The following DYM variants were observed in gnomAD, a reference collection of about 807,000 sequenced individuals.
DYM encodes dymeclin.
Under a neutral mutation model 93.1 loss-of-function variants are expected in DYM, and 78 were observed. That is an observed-to-expected ratio of 0.84 (90% confidence interval 0.70 to 1.01). DYM has a LOEUF of 1.01. Ranked by LOEUF, DYM falls within the 50% of genes least tolerant of loss-of-function variation. The pLI, the probability that DYM is intolerant of heterozygous loss-of-function variation, is 0.00. For synonymous variants in DYM, 321 were observed against 319.7 expected (o/e 1.00, Z -0.04); for missense variants, 789 against 845.0 (o/e 0.93, Z 0.82).
At chr18:49,239,108 T>C (rs1295771177) in intron 13 of DYM, among the ~76,000 whole-genome samples, 2 of 152,198 alleles carry the variant, frequency 1.3e-5, no homozygotes, top group Non-Finnish European at 2.9e-5. Flanking sequence ...ACAGGAACTC[T>C]GTGCACTTGC....
chr18:49,156,383 G>C (rs2086434737), intron 15 of DYM, among the ~76,000 whole-genome samples: 1 of 151,762 alleles, frequency 6.6e-6, no homozygotes, highest in African/African-American at 2.4e-5. Context: ...CAAATGATGA[G>C]AAAAGAGAAG....
chr18:49,221,605 A>T (rs1189550336), intron 13 of DYM, among the ~76,000 whole-genome samples: 1 of 152,232 alleles, frequency 6.6e-6, no homozygotes, highest in Non-Finnish European at 1.5e-5. Flanking sequence ...TGTCCTTTGT[A>T]GGGACACGGA....
At chr18:49,297,696 A>G (rs2060646339) in intron 8 of DYM, among the ~76,000 whole-genome samples, 1 of 152,286 alleles carries the variant, frequency 6.6e-6, no homozygotes, top group South Asian at 2.1e-4. Flanking sequence ...TCCTCATCAA[A>G]ATACTTTGAT....
rs984129064 is a variant in DYM, at chr18:49,213,031, A to G, written c.1461-3316T>C. ...TAAGAATTACTTTCACAAAAATAAA[A>G]TTTCCTTAGTGCCTTCTTACAAGAA... On this transcript the variant is annotated intron_variant, in intron 13 of 17. Transcript: ENST00000675505. Among the ~76,000 whole-genome samples, 4 of 152,290 alleles carry G rather than the reference A, an allele frequency of 2.6e-5. No homozygotes were observed. In the East Asian group the frequency reaches 7.7e-4, roughly 29 times the overall value.
chr18:49,360,751 C>G (rs555774423), intron 6 of DYM, among the ~76,000 whole-genome samples: 1 of 152,300 alleles, frequency 6.6e-6, no homozygotes, highest in East Asian at 1.9e-4. Context: ...GATCTGACCA[C>G]ATGTAAAAGA....
intron 16 of DYM, among the ~76,000 whole-genome samples, chr18:49,108,453 G>T (rs944674080): frequency 3.9e-5 from 6 of 152,218 alleles, no homozygotes; most frequent in African/African-American, 1.2e-4. Context: ...GATGAACCCG[G>T]TATCTCAGTT....
chr18:49,212,887 G>C (rs892483787), intron 13 of DYM, among the ~76,000 whole-genome samples: 3 of 151,924 alleles, frequency 2.0e-5, no homozygotes, highest in African/African-American at 7.3e-5. Flanking sequence ...TTCAAACCTA[G>C]AGCCCTAAAA....
intron 17 of DYM, among the ~76,000 whole-genome samples, chr18:49,080,824 C>T (rs1414474540): frequency 2.8e-5 from 4 of 143,136 alleles, no homozygotes; most frequent in African/African-American, 7.9e-5. Context: ...ACTTCTCAGA[C>T]GGGGCGGCTG....
At chr18:49,315,428 T>C (rs2061865615) in intron 8 of DYM, among the ~76,000 whole-genome samples, 1 of 152,202 alleles carries the variant, frequency 6.6e-6, no homozygotes, top group South Asian at 2.1e-4. Context: ...TTCTTAAATA[T>C]TGAGTTTTAT....
chr18:49,404,255 G>A (rs1462425416), intron 2 of DYM, among the ~76,000 whole-genome samples: 3 of 152,052 alleles, frequency 2.0e-5, no homozygotes, highest in African/African-American at 4.8e-5. Context: ...TGATCCTCCC[G>A]CCTAGGCCTC....
chr18:49,271,815 T>C (rs2094706532), intron 11 of DYM, among the ~76,000 whole-genome samples: 2 of 152,068 alleles, frequency 1.3e-5, no homozygotes. Context: ...CTCAAACTTC[T>C]TCCATTTTGG....
At chr18:49,299,766 G>A (rs74555499) in intron 8 of DYM, among the ~76,000 whole-genome samples, 12,222 of 151,828 alleles carry the variant, frequency 0.08, 766 homozygotes, top group East Asian at 0.31. Flanking sequence ...CATATGGTCC[G>A]GACACGGTGG....
intron 8 of DYM, among the ~76,000 whole-genome samples, chr18:49,295,781 A>G (rs1305050062): frequency 6.6e-6 from 1 of 152,050 alleles, no homozygotes; most frequent in East Asian, 1.9e-4. Flanking sequence ...GGCTCATCAC[A>G]ATTTTTTAAG....
chr18:49,065,384 C>T (rs1348166053), intron 17 of DYM, among the ~76,000 whole-genome samples: 2 of 152,066 alleles, frequency 1.3e-5, no homozygotes, highest in East Asian at 1.9e-4. Flanking sequence ...CTTTTTGAGA[C>T]GGAATTTCGC....
intron 17 of DYM, among the ~76,000 whole-genome samples, chr18:49,096,009 G>A (rs1019357833): frequency 3.3e-5 from 5 of 151,712 alleles, no homozygotes; most frequent in Admixed American, 6.6e-5. Flanking sequence ...TGGTTCACAT[G>A]GTATAGTTTA....
At chr18:49,182,393 A>G (rs148723284) in intron 14 of DYM, among the ~76,000 whole-genome samples, 187 of 152,328 alleles carry the variant, frequency 1.2e-3, no homozygotes, top group African/African-American at 4.2e-3. Context: ...AGATATATTG[A>G]AAGCTCCAAC....
At chr18:49,424,437 T>C (rs1347096599) in intron 2 of DYM, among the ~76,000 whole-genome samples, 4 of 152,026 alleles carry the variant, frequency 2.6e-5, no homozygotes, top group Non-Finnish European at 5.9e-5. Context: ...CCTCCACCAA[T>C]ATTGTACTGA....
intron 13 of DYM, among the ~76,000 whole-genome samples, chr18:49,219,392 C>T (rs2093240928): frequency 6.6e-6 from 1 of 152,182 alleles, no homozygotes; most frequent in Non-Finnish European, 1.5e-5. Flanking sequence ...GGGAACCCTC[C>T]CTAACTCATT....
chr18:49,299,282 AT>A (rs1183012441), intron 8 of DYM, among the ~76,000 whole-genome samples: 4 of 152,236 alleles, frequency 2.6e-5, no homozygotes, highest in Admixed American at 2.6e-4. Flanking sequence ...TAAGCTTACA[AT>A]TTTGAAAAAG....
Sources: gnomAD v4.1 joint callset for allele counts (sites outside exome capture counted in the v4.1 genomes callset) on GRCh38, gnomAD v4.1.1 for gene constraint, MANE v1.5 for transcripts, NCBI Gene and HGNC (gene_info 2026-07-23, HGNC 2026-07-21) for gene names.